Variants in TRAPPC11 observed in about 807,000 individuals in gnomAD.
TRAPPC11 encodes the protein foie gras homolog.
A neutral mutation model predicts 151.2 loss-of-function variants in TRAPPC11; 104 were observed. That is an observed-to-expected ratio of 0.69 (90% CI 0.59 to 0.81). The LOEUF (loss-of-function observed/expected upper bound fraction) is 0.81. Among genes scored for constraint, TRAPPC11 ranks in the 30% least tolerant of loss-of-function variants. The pLI, the probability that TRAPPC11 is intolerant of heterozygous loss-of-function variation, is 0.00. For missense variants in TRAPPC11, 1,230 were observed against 1,349.6 expected, an observed-to-expected ratio of 0.91 and a Z score of 1.39; for synonymous variants, 456 against 472.3, an observed-to-expected ratio of 0.97 and a Z score of 0.45.
intron 1 of TRAPPC11, among the ~76,000 whole-genome samples, chr4:183,660,744 T>C (rs1319558910): frequency 2.6e-5 from 4 of 152,310 alleles, no homozygotes; most frequent in Non-Finnish European, 4.4e-5. Context: ...GACGGAGTCT[T>C]GCTCTGTTGC....
chr4:183,678,936 A>G lies in TRAPPC11; in HGVS notation c.832-417A>G, dbSNP rs1352229681. 2.0e-5 allele frequency among the ~76,000 whole-genome samples: 3 copies of G among 152,206 alleles called. 1 individual carries two copies. Among genetic ancestry groups the G allele is most frequent in the Admixed American group, 1.3e-4 (2 of 15,280 alleles). On this transcript the variant is annotated intron_variant, in intron 8 of 29. Coordinates refer to ENST00000334690, the MANE Select transcript of TRAPPC11 (RefSeq NM_021942.6). ...AGAATTTCTGTAATACTTGTTTGAT[A>G]TGGAGGTAACTTTGCTTTAATTATG...
chr4:183,710,885 C>T lies in TRAPPC11; in HGVS notation c.3358-1715C>T, dbSNP rs374303073. On this transcript the variant is annotated intron_variant, in intron 29 of 29. Coordinates refer to ENST00000334690, the MANE Select transcript of TRAPPC11 (RefSeq NM_021942.6). ...CTCTAGTAAAAACACAAAAATTAGCCGGGTGTGGTGTGGTGGGCGCCTGCA... is the reference window on the plus strand; with the variant it reads ...CTCTAGTAAAAACACAAAAATTAGCTGGGTGTGGTGTGGTGGGCGCCTGCA... Among the ~76,000 whole-genome samples, 375 of 151,374 alleles carry T rather than the reference C, an allele frequency of 2.5e-3. 15 individuals carry two copies. In the South Asian group the frequency reaches 0.07, roughly 28 times the overall value.
In TRAPPC11 at chr4:183,666,360, T is replaced by G; in HGVS notation, c.308T>G (p.Leu103Arg). 6.2e-7 allele frequency: 1 copy of G among 1,614,174 alleles called. No homozygotes were observed. Among genetic ancestry groups the G allele is most frequent in the Non-Finnish European group, 8.5e-7 (1 of 1,179,974 alleles). Residue 103 changes from leucine to arginine, a missense_variant, in exon 3 of 30, where the codon CTG becomes CGG. Leu to Arg is a moderately radical substitution (Grantham distance 102). Transcript: ENST00000334690. ...GCCCTGGTGGTTGTGTTCTATGAAC[T>G]GGACTGGGATGAGCCTCAGTGGAAA... ...VPALVVVFYELDWDEPQWKEK... is the reference protein window; with the variant it reads ...VPALVVVFYERDWDEPQWKEK...
chr4:183,676,370 G>T (rs993968098), intron 7 of TRAPPC11, among the ~76,000 whole-genome samples: 2 of 152,076 alleles, frequency 1.3e-5, no homozygotes, highest in African/African-American at 2.4e-5. Flanking sequence ...TGCTGGTCTC[G>T]AACTCCTGAC....
chr4:183,667,281 C>T (rs1392889473), intron 4 of TRAPPC11, 151 bp downstream of exon 4: 7 of 562,844 alleles, frequency 1.2e-5, no homozygotes, highest in Admixed American at 6.1e-5. Flanking sequence ...GATACATGAA[C>T]AAATGCTTAT....
chr4:183,693,697 C>T lies in TRAPPC11; in HGVS notation c.2346C>T (p.Thr782=). ...TGACTGTTCAGTCCCATGAAAAGAC[C>T]CAAATCAGAGATGTGAAGCTCACCG... The part of the protein sequence containing the change: ...LVVTVQSHEK[T]QIRDVKLTAG... Residue 782 remains threonine (T), a synonymous_variant, in exon 21 of 30, where the codon ACC becomes ACT. Transcript: ENST00000334690. 1.2e-6 allele frequency: 2 copies of T among 1,613,970 alleles called. No individual in the cohort carries two copies. The highest frequency in any genetic ancestry group is 1.7e-6 in the Non-Finnish European group (2 of 1,180,008).
At chr4:183,699,553 T>C (rs1736701442) in intron 25 of TRAPPC11, among the ~76,000 whole-genome samples, 1 of 152,236 alleles carries the variant, frequency 6.6e-6, no homozygotes, top group African/African-American at 2.4e-5. Context: ...CTTGAACTTC[T>C]AGTATATTAG....
At chr4:183,678,159 G>C (rs1006463614) in intron 8 of TRAPPC11, among the ~76,000 whole-genome samples, 2 of 151,960 alleles carry the variant, frequency 1.3e-5, no homozygotes, top group Admixed American at 6.6e-5. Context: ...GGATGGTTTC[G>C]ATCTCTTGAC....
At chr4:183,702,506 A>G (rs577614371) in intron 26 of TRAPPC11, among the ~76,000 whole-genome samples, 2 of 152,308 alleles carry the variant, frequency 1.3e-5, no homozygotes, top group East Asian at 1.9e-4. Context: ...TACACCATCA[A>G]CATCTTAAGG....
At chr4:183,694,749 A>G (rs756395115) in intron 23 of TRAPPC11, 26 bp downstream of exon 23, 2 of 1,599,220 alleles carry the variant, frequency 1.3e-6, no homozygotes, top group African/African-American at 2.7e-5. Flanking sequence ...TACTTTATAA[A>G]GCATCATATG....
rs147061560 is a variant in TRAPPC11 at position 183,708,432 on chromosome 4, C to T, written c.3215C>T (p.Thr1072Met). 3.1e-5 allele frequency: 50 copies of T among 1,613,572 alleles called. No homozygotes were observed. Among genetic ancestry groups the T allele is most frequent in the Admixed American group, 2.8e-4 (17 of 59,904 alleles). Residue 1072 changes from threonine to methionine, a missense_variant, in exon 29 of 30, where the codon ACG becomes ATG. Physicochemically the swap from Thr to Met is moderately conservative, Grantham distance 81 (BLOSUM62 -1). Coordinates refer to ENST00000334690, the MANE Select transcript of TRAPPC11 (RefSeq NM_021942.6). Reference sequence around the variant, plus strand: ...ATTCGATTACGTATCCTCCCTGGCACGGAGCAGGAAATGCTATATAATTTC... The same window carrying T: ...ATTCGATTACGTATCCTCCCTGGCATGGAGCAGGAAATGCTATATAATTTC... The part of the protein sequence containing the change: ...KQIRLRILPG[T>M]EQEMLYNFYP...
chr4:183,688,924 T>G (rs1736119444), intron 18 of TRAPPC11, among the ~76,000 whole-genome samples: 1 of 152,096 alleles, frequency 6.6e-6, no homozygotes, highest in Non-Finnish European at 1.5e-5. Flanking sequence ...ATTTTTGTAT[T>G]TTTTTATAGA....
chr4:183,690,177 G>A (rs544507599), intron 18 of TRAPPC11, among the ~76,000 whole-genome samples: 6 of 151,804 alleles, frequency 4.0e-5, no homozygotes, highest in Non-Finnish European at 7.4e-5. Context: ...GTGGGCGATG[G>A]AGTGAGACTC....
chr4:183,668,084 C>T lies in TRAPPC11; in HGVS notation c.527C>T (p.Pro176Leu), dbSNP rs763254397. 3 of 1,612,422 alleles carry T rather than the reference C, an allele frequency of 1.9e-6. No homozygotes were observed. The highest frequency in any genetic ancestry group is 1.7e-4 in the Middle Eastern group (1 of 6,058). Residue 176 changes from proline to leucine, a missense_variant, in exon 5 of 30, where the codon CCG (proline) becomes CTG (leucine). By Grantham distance (98) the Pro-to-Leu change is moderately conservative. Coordinates refer to ENST00000334690, the MANE Select transcript of TRAPPC11 (RefSeq NM_021942.6). Reference protein sequence around the residue: ...ELSGKSLFVLPHTDHLVGYII... With the variant: ...ELSGKSLFVLLHTDHLVGYII... Reference sequence around the variant, plus strand: ...TCAGGAAAGTCTTTGTTTGTACTGCCGCACACTGACCACCTTGTGGGTTAT... The same window carrying T: ...TCAGGAAAGTCTTTGTTTGTACTGCTGCACACTGACCACCTTGTGGGTTAT...
chr4:183,693,622 TCTG>T lies in TRAPPC11; in HGVS notation c.2274_2276del (p.Leu759del). On this transcript the variant is annotated inframe_deletion, in exon 21 of 30. Coordinates refer to ENST00000334690, the MANE Select transcript of TRAPPC11 (RefSeq NM_021942.6). ...CCAGAGTCCCAAACATTTCTGTACA[TCTG>T]CTACATGAACCCCCTGCACTGACTA... 1 of 1,613,968 alleles carries T rather than the reference TCTG, an allele frequency of 6.2e-7. No individual in the cohort carries two copies. Among genetic ancestry groups the T allele is most frequent in the Non-Finnish European group, 8.5e-7 (1 of 1,179,988 alleles).
chr4:183,660,999 G>A (rs370135206), intron 1 of TRAPPC11, among the ~76,000 whole-genome samples: 52 of 151,672 alleles, frequency 3.4e-4, no homozygotes, highest in East Asian at 9.7e-4. Flanking sequence ...GGCGTGAGCC[G>A]CTGTACCCAG....
At chr4:183,707,425 A>AT (rs1047659074) in intron 28 of TRAPPC11, among the ~76,000 whole-genome samples, 1 of 152,068 alleles carries the variant, frequency 6.6e-6, no homozygotes, top group African/African-American at 2.4e-5. Context: ...AATTATCTAG[A>AT]TTTTTTTATT....
At chr4:183,693,560 A>G in intron 20 of TRAPPC11, 29 bp from the exon 21 acceptor site, 5 of 1,569,558 alleles carry the variant, frequency 3.2e-6, no homozygotes, top group Non-Finnish European at 3.4e-6. Flanking sequence ...TTTTTTGATC[A>G]GTTACTTAGC....
chr4:183,698,270 A>G (rs938243039), intron 25 of TRAPPC11, among the ~76,000 whole-genome samples: 1 of 152,234 alleles, frequency 6.6e-6, no homozygotes, highest in African/African-American at 2.4e-5. Flanking sequence ...AACAATTTGT[A>G]AGACTGATTC....
Sources: gnomAD v4.1 joint callset for allele counts (sites outside exome capture counted in the v4.1 genomes callset) on GRCh38, gnomAD v4.1.1 for gene constraint, MANE v1.5 for transcripts, NCBI Gene and HGNC (gene_info 2026-07-23, HGNC 2026-07-21) for gene names.